Variants in COL10A1 observed in about 807,000 individuals in gnomAD.
COL10A1 encodes collagen type X alpha 1 chain.
Under a neutral mutation model 18.2 loss-of-function variants are expected in COL10A1, and 10 were observed. That is an observed-to-expected ratio of 0.55 (90% confidence interval 0.34 to 0.93). COL10A1 has a LOEUF of 0.93. COL10A1 is among the 40% of genes least tolerant of loss of function. The probability of loss-of-function intolerance (pLI) is 0.02; values close to 1 mark genes in which losing one functional copy is unlikely to be tolerated. For synonymous variants in COL10A1, 330 were observed against 316.6 expected, an observed-to-expected ratio of 1.04 and a Z score of -0.45; for missense variants, 897 against 853.5, an observed-to-expected ratio of 1.05 and a Z score of -0.64.
the COL10A1 span, among the ~76,000 whole-genome samples, chr6:116,203,612 T>G: frequency 6.6e-6 from 1 of 151,992 alleles, no homozygotes; most frequent in Non-Finnish European, 1.5e-5. Context: ...ACATTTTATT[T>G]ATTCATCCTA....
the COL10A1 span, among the ~76,000 whole-genome samples, chr6:116,187,006 A>G: frequency 6.6e-6 from 1 of 152,030 alleles, no homozygotes; most frequent in Non-Finnish European, 1.5e-5. Flanking sequence ...GTCAGATGGT[A>G]GATCCGGGAC....
chr6:116,147,296 G>A (rs1779921799), intron 1 of COL10A1, among the ~76,000 whole-genome samples: 1 of 151,924 alleles, frequency 6.6e-6, no homozygotes, highest in Admixed American at 6.6e-5. Context: ...ACAAAAAGTA[G>A]CTGGGCGTGG....
upstream of COL10A1, among the ~76,000 whole-genome samples, chr6:116,160,845 ATACC>A (rs1780309656): frequency 6.6e-6 from 1 of 152,178 alleles, no homozygotes; most frequent in Admixed American, 6.5e-5. Flanking sequence ...TACTGGGTAT[ATACC>A]CAAAGGACTA....
the COL10A1 span, among the ~76,000 whole-genome samples, chr6:116,187,333 A>T: frequency 1.3e-5 from 2 of 152,054 alleles, no homozygotes; most frequent in Non-Finnish European, 2.9e-5. Flanking sequence ...CAAAATTTTA[A>T]CAAGTTTCTT....
At chr6:116,214,999 A>G in the COL10A1 span, among the ~76,000 whole-genome samples, 1 of 152,200 alleles carries the variant, frequency 6.6e-6, no homozygotes, top group South Asian at 2.1e-4. Context: ...GGAATTGTTA[A>G]CATCATCATT....
chr6:116,214,739 G>A, the COL10A1 span, among the ~76,000 whole-genome samples: 1 of 152,016 alleles, frequency 6.6e-6, no homozygotes, highest in Non-Finnish European at 1.5e-5. Context: ...TAGAGGAGGA[G>A]AAACACTGTG....
chr6:116,205,829 G>C, the COL10A1 span, among the ~76,000 whole-genome samples: 6 of 151,902 alleles, frequency 3.9e-5, no homozygotes, highest in Non-Finnish European at 8.8e-5. Flanking sequence ...AAAAATCAAA[G>C]AGACCAAGAT....
chr6:116,127,720 A>AT (rs2114318196), upstream of COL10A1, among the ~76,000 whole-genome samples: 1 of 152,262 alleles, frequency 6.6e-6, no homozygotes, highest in African/African-American at 2.4e-5. Context: ...ATATTTTAAT[A>AT]TTTTGTGTGT....
chr6:116,140,046 T>C (rs940292197), intron 1 of COL10A1, among the ~76,000 whole-genome samples: 4 of 152,160 alleles, frequency 2.6e-5, no homozygotes, highest in Non-Finnish European at 5.9e-5. Context: ...GTAAGGAAAC[T>C]GAAGCCCAAG....
At chr6:116,162,732 T>C (rs944606871), upstream of COL10A1, among the ~76,000 whole-genome samples, 2 of 152,148 alleles carry the variant, frequency 1.3e-5, no homozygotes, top group African/African-American at 4.8e-5. Flanking sequence ...GGCCCATAGT[T>C]TTCTGTTTTT....
intron 1 of COL10A1, among the ~76,000 whole-genome samples, chr6:116,155,182 C>G (rs502104): frequency 0.022 from 3,383 of 152,204 alleles, 130 homozygotes; most frequent in African/African-American, 0.078. Context: ...GTTAAGGTTA[C>G]AAGTAGTTTG....
At chr6:116,128,909 A>G (rs1360405638), upstream of COL10A1, among the ~76,000 whole-genome samples, 2 of 152,128 alleles carry the variant, frequency 1.3e-5, no homozygotes, top group Non-Finnish European at 2.9e-5. Flanking sequence ...TTGTGTTCAT[A>G]TGCTTTTTAA....
At position 116,120,737 on chromosome 6, in the gene COL10A1, G is replaced by A; in HGVS notation, c.1379C>T (p.Pro460Leu). Residue 460 changes from proline to leucine, a missense_variant, in exon 3 of 3, where the codon CCA becomes CTA. Pro to Leu is a moderately conservative substitution (Grantham distance 98). Transcript: ENST00000651968. ...TRGPIGPPGIPGFPGSKGDPG... is the reference protein window; with the variant it reads ...TRGPIGPPGILGFPGSKGDPG... The stretch of plus-strand genomic sequence containing the variant: ...ATCCCCTTTAGACCCAGGGAATCCT[G>A]GAATGCCTGGTGGCCCAATAGGGCC... 6.3e-7 allele frequency: 1 copy of A among 1,591,852 alleles called. No individual in the cohort carries two copies. Among genetic ancestry groups the A allele is most frequent in the Non-Finnish European group, 8.5e-7 (1 of 1,171,256 alleles).
chr6:116,207,859 T>G, the COL10A1 span, among the ~76,000 whole-genome samples: 1 of 152,064 alleles, frequency 6.6e-6, no homozygotes, highest in Non-Finnish European at 1.5e-5. Flanking sequence ...CTGATCATTA[T>G]GGAATGAGGA....
the COL10A1 span, among the ~76,000 whole-genome samples, chr6:116,172,375 G>A: frequency 7.3e-6 from 1 of 137,824 alleles, no homozygotes; most frequent in Non-Finnish European, 1.5e-5. Context: ...AGGCTGGAGT[G>A]CAGTGCCACA....
At chr6:116,208,071 G>A in the COL10A1 span, among the ~76,000 whole-genome samples, 1 of 152,070 alleles carries the variant, frequency 6.6e-6, no homozygotes, top group African/African-American at 2.4e-5. Flanking sequence ...AGTCCTCAGT[G>A]TGGGGCAGAT....
At chr6:116,201,543 G>A in the COL10A1 span, among the ~76,000 whole-genome samples, 2 of 151,984 alleles carry the variant, frequency 1.3e-5, no homozygotes, top group African/African-American at 4.8e-5. Context: ...ACTTCAGTGA[G>A]GTGAGCATTT....
At chr6:116,153,502 T>C (rs1780104966) in intron 1 of COL10A1, among the ~76,000 whole-genome samples, 1 of 152,178 alleles carries the variant, frequency 6.6e-6, no homozygotes, top group African/African-American at 2.4e-5. Context: ...TCATTTAATT[T>C]TTAGTTATAA....
At chr6:116,161,173 A>G (rs1448811960), upstream of COL10A1, among the ~76,000 whole-genome samples, 4 of 128,162 alleles carry the variant, frequency 3.1e-5, no homozygotes, top group Admixed American at 2.9e-4. Flanking sequence ...GGGGAACATC[A>G]CAATCTGGGG....
Sources: allele counts gnomAD v4.1 joint callset (sites outside exome capture counted in the v4.1 genomes callset), GRCh38; gene constraint gnomAD v4.1.1; transcripts MANE v1.5; gene names NCBI Gene and HGNC (gene_info 2026-07-23, HGNC 2026-07-21).